ARHGAP15: variants seen among roughly 807,000 people sequenced by gnomAD.
The protein encoded by ARHGAP15 is rho GTPase-activating protein 15.
ARHGAP15 carries 51 observed loss-of-function variants against 63.7 expected under a neutral mutation model. The ratio of observed to expected loss-of-function variants is 0.80; its 90% CI spans 0.64 to 1.01. The LOEUF (loss-of-function observed/expected upper bound fraction) is 1.01, where lower values mean the gene tolerates loss of function less well. Ranked by LOEUF, ARHGAP15 falls within the 50% of genes least tolerant of loss-of-function variation. ARHGAP15 has a pLI of 0.00. For synonymous variants in ARHGAP15, 191 were observed against 193.8 expected (o/e 0.99, Z 0.12); for missense variants, 560 against 564.6 (o/e 0.99, Z 0.08).
intron 6 of ARHGAP15, among the ~76,000 whole-genome samples, chr2:143,302,435 G>A (rs897425180): frequency 4.6e-5 from 7 of 151,964 alleles, no homozygotes; most frequent in Non-Finnish European, 8.8e-5. Context: ...AAATAATTCT[G>A]ACACTTTATA....
chr2:143,595,570 T>C (rs1356922197), intron 11 of ARHGAP15, among the ~76,000 whole-genome samples: 1 of 152,156 alleles, frequency 6.6e-6, no homozygotes, highest in Non-Finnish European at 1.5e-5. Flanking sequence ...AAGTAAATTA[T>C]GTTTAATTTT....
intron 11 of ARHGAP15, among the ~76,000 whole-genome samples, chr2:143,564,440 T>G (rs1559053183): frequency 6.6e-6 from 1 of 152,192 alleles, no homozygotes. Context: ...TTGAAGCTCA[T>G]TCATTAAAAA....
intron 6 of ARHGAP15, among the ~76,000 whole-genome samples, chr2:143,269,202 AAG>A (rs1334812283): frequency 6.6e-6 from 1 of 152,142 alleles, no homozygotes; most frequent in African/African-American, 2.4e-5. Context: ...TAAGTCTCTA[AAG>A]AGAGAATAAA....
intron 11 of ARHGAP15, among the ~76,000 whole-genome samples, chr2:143,609,080 T>A (rs1698156290): frequency 6.6e-6 from 1 of 152,236 alleles, no homozygotes; most frequent in African/African-American, 2.4e-5. Context: ...TTCAGTATTC[T>A]TCTGTTTTGG....
At chr2:143,402,488 C>T (rs912349560) in intron 6 of ARHGAP15, among the ~76,000 whole-genome samples, 1 of 147,094 alleles carries the variant, frequency 6.8e-6, no homozygotes, top group Non-Finnish European at 1.5e-5. Flanking sequence ...AAAGAATTAA[C>T]CTGCTTGGGA....
chr2:143,395,210 T>C (rs1687707933), intron 6 of ARHGAP15, among the ~76,000 whole-genome samples: 1 of 152,126 alleles, frequency 6.6e-6, no homozygotes, highest in Non-Finnish European at 1.5e-5. Context: ...AGGAATTAAA[T>C]CAGATTGTGG....
At chr2:143,165,985 A>AGAAT (rs1237141581) in intron 2 of ARHGAP15, among the ~76,000 whole-genome samples, 5 of 136,900 alleles carry the variant, frequency 3.7e-5, no homozygotes, top group Admixed American at 2.2e-4. Flanking sequence ...AAAGAAAGAA[A>AGAAT]GAAAGAAAGA....
At chr2:143,154,796 A>G (rs1353426987) in intron 1 of ARHGAP15, among the ~76,000 whole-genome samples, 1 of 151,904 alleles carries the variant, frequency 6.6e-6, no homozygotes, top group African/African-American at 2.4e-5. Context: ...GCTCCTTTAA[A>G]GTGTGTCCAT....
At chr2:143,395,692 A>G (rs989447201) in intron 6 of ARHGAP15, among the ~76,000 whole-genome samples, 1 of 152,112 alleles carries the variant, frequency 6.6e-6, no homozygotes, top group African/African-American at 2.4e-5. Flanking sequence ...AAAGGTTTAC[A>G]GATAGAAAAA....
chr2:143,659,810 A>G (rs1267478838), intron 12 of ARHGAP15, among the ~76,000 whole-genome samples: 1 of 152,154 alleles, frequency 6.6e-6, no homozygotes, highest in African/African-American at 2.4e-5. Context: ...AATTCTGGAA[A>G]TACCCATGTC....
At chr2:143,587,285 C>T (rs1356277048) in intron 11 of ARHGAP15, among the ~76,000 whole-genome samples, 1 of 152,038 alleles carries the variant, frequency 6.6e-6, no homozygotes, top group Non-Finnish European at 1.5e-5. Flanking sequence ...GTGCAGACTT[C>T]GATTTCTATT....
intron 6 of ARHGAP15, among the ~76,000 whole-genome samples, chr2:143,302,814 A>T (rs1167421583): frequency 6.6e-6 from 1 of 152,072 alleles, no homozygotes; most frequent in Non-Finnish European, 1.5e-5. Flanking sequence ...GAGCTTGACC[A>T]GAAGTAAACT....
intron 6 of ARHGAP15, among the ~76,000 whole-genome samples, chr2:143,324,583 C>T (rs1684172392): frequency 6.6e-6 from 1 of 152,166 alleles, no homozygotes; most frequent in Admixed American, 6.5e-5. Flanking sequence ...CATTTCTGTA[C>T]TTGAACGTAC....
chr2:143,373,613 G>A (rs1686661406), intron 6 of ARHGAP15, among the ~76,000 whole-genome samples: 1 of 116,334 alleles, frequency 8.6e-6, no homozygotes, highest in Admixed American at 1.2e-4. Context: ...CTGGGTGAGA[G>A]AGCCAGACTC....
intron 12 of ARHGAP15, among the ~76,000 whole-genome samples, chr2:143,673,136 T>A (rs866361041): frequency 3.2e-4 from 49 of 151,974 alleles, no homozygotes; most frequent in African/African-American, 1.2e-3. Context: ...GGTAATAAAT[T>A]AAAAAAAAGA....
intron 11 of ARHGAP15, chr2:143,593,125 C>G (rs1011808745): frequency 1.3e-5 from 2 of 152,154 alleles, no homozygotes; most frequent in Non-Finnish European, 2.9e-5. Context: ...ATAATTTAAT[C>G]CAGGTAAAAA....
chr2:143,660,149 C>A (rs1347637114), intron 12 of ARHGAP15, among the ~76,000 whole-genome samples: 1 of 152,190 alleles, frequency 6.6e-6, no homozygotes, highest in Non-Finnish European at 1.5e-5. Context: ...CATGCTAACT[C>A]TTCCACTCAA....
chr2:143,424,907 G>T, intron 6 of ARHGAP15, among the ~76,000 whole-genome samples: 1 of 152,074 alleles, frequency 6.6e-6, no homozygotes, highest in South Asian at 2.1e-4. Flanking sequence ...GCACCTAAAT[G>T]GTTATTAAAT....
chr2:143,202,918 T>TTA (rs892018480), intron 3 of ARHGAP15, among the ~76,000 whole-genome samples: 1 of 152,088 alleles, frequency 6.6e-6, no homozygotes, highest in Non-Finnish European at 1.5e-5. Context: ...GAATAAAGTA[T>TTA]TATATATATC....
Sources: gnomAD v4.1 joint callset for allele counts (sites outside exome capture counted in the v4.1 genomes callset) on GRCh38, gnomAD v4.1.1 for gene constraint, MANE v1.5 for transcripts, NCBI Gene and HGNC (gene_info 2026-07-23, HGNC 2026-07-21) for gene names.